Variants in SYT1 observed in about 807,000 individuals in gnomAD.
SYT1 encodes the protein synaptotagmin-1.
SYT1 carries 8 observed loss-of-function variants against 44.8 expected under a neutral mutation model. The observed-to-expected ratio is 0.18, with a 90% CI of 0.10 to 0.32. The LOEUF is 0.32. Among genes scored for constraint, SYT1 ranks in the 10% least tolerant of loss-of-function variants. SYT1 has a pLI of 1.00. For synonymous variants in SYT1, 154 were observed against 188.8 expected (o/e 0.82, Z 1.51); for missense variants, 286 against 509.3 (o/e 0.56, Z 4.22).
intron 4 of SYT1, among the ~76,000 whole-genome samples, chr12:79,256,284 A>G (rs1219069527): frequency 2.0e-5 from 3 of 152,372 alleles, no homozygotes; most frequent in Non-Finnish European, 4.4e-5. Context: ...GCACAGGTGT[A>G]TTTAATTGCC....
intron 1 of SYT1, among the ~76,000 whole-genome samples, chr12:78,905,797 A>C (rs1875948025): frequency 6.6e-6 from 1 of 152,066 alleles, no homozygotes. Flanking sequence ...AAATTACAGC[A>C]CATTACAAGG....
intron 4 of SYT1, among the ~76,000 whole-genome samples, chr12:79,231,889 C>T (rs1397441702): frequency 6.6e-6 from 1 of 152,174 alleles, no homozygotes; most frequent in African/African-American, 2.4e-5. Context: ...GTCTTAATCA[C>T]TCACAGATTC....
At chr12:79,337,157 T>G (rs1374210301) in intron 8 of SYT1, among the ~76,000 whole-genome samples, 1 of 152,202 alleles carries the variant, frequency 6.6e-6, no homozygotes, top group Non-Finnish European at 1.5e-5. Context: ...ACAGTCAATA[T>G]TGCAGTAGAC....
intron 8 of SYT1, among the ~76,000 whole-genome samples, chr12:79,329,956 A>T (rs1881783196): frequency 6.6e-6 from 1 of 152,196 alleles, no homozygotes; most frequent in Non-Finnish European, 1.5e-5. Context: ...TGCAGAAAGC[A>T]TATCTTTCCA....
At chr12:79,049,483 A>G (rs919116807) in intron 3 of SYT1, among the ~76,000 whole-genome samples, 2 of 151,926 alleles carry the variant, frequency 1.3e-5, no homozygotes, top group African/African-American at 4.8e-5. Flanking sequence ...TCTTCTTATT[A>G]TACTGTAATA....
In SYT1 at chr12:78,865,016, G is replaced by A. The variant is rs1324382311; in HGVS notation, c.-310G>A. 6.6e-6 allele frequency: 1 copy of A among 152,288 alleles called. No individual in the cohort carries two copies. Among genetic ancestry groups the A allele is most frequent in the Non-Finnish European group, 1.5e-5 (1 of 68,164 alleles). The allele number at this position is 152,288 out of a possible 1,614,324, so 9.4% of individuals were successfully genotyped here. On this transcript the variant is annotated 5_prime_UTR_variant, in exon 1 of 11. Transcript: ENST00000261205. ...GTTGCAGGCTGCCCCTCCAAGAGCGGAGGCAGCGAGAGTACGCGTGTGCCT... is the reference window on the plus strand; with the variant it reads ...GTTGCAGGCTGCCCCTCCAAGAGCGAAGGCAGCGAGAGTACGCGTGTGCCT...
chr12:79,435,844 A>C (rs924539736), intron 9 of SYT1, among the ~76,000 whole-genome samples: 1 of 152,150 alleles, frequency 6.6e-6, no homozygotes, highest in Admixed American at 6.5e-5. Flanking sequence ...TGCCTATAGC[A>C]TCCCTCCCTC....
At chr12:78,872,587 GTCTTC>G (rs1448310779) in intron 1 of SYT1, among the ~76,000 whole-genome samples, 1 of 151,542 alleles carries the variant, frequency 6.6e-6, no homozygotes, top group Non-Finnish European at 1.5e-5. Flanking sequence ...CCTTTCTCAT[GTCTTC>G]TCTTCCTACT....
At chr12:78,914,728 A>G (rs1214328465) in intron 1 of SYT1, among the ~76,000 whole-genome samples, 1 of 152,002 alleles carries the variant, frequency 6.6e-6, no homozygotes, top group African/African-American at 2.4e-5. Flanking sequence ...TAAGTGCTAT[A>G]TTAGGAATAT....
At chr12:79,444,235 A>G (rs778852810) in intron 10 of SYT1, 29 bp downstream of exon 10, 4 of 1,610,714 alleles carry the variant, frequency 2.5e-6, no homozygotes, top group Non-Finnish European at 3.4e-6. Flanking sequence ...TTGTCTTCCC[A>G]CTCAATTTCA....
rs183916064 is a variant in SYT1 at position 79,154,013 on chromosome 12, C to T, written c.-17-63490C>T. Among the ~76,000 whole-genome samples, 6 of 152,060 alleles carry T rather than the reference C, an allele frequency of 3.9e-5. No individual in the cohort carries two copies. The East Asian group carries it at 1.2e-3, about 29-fold the overall frequency. ...TAGTTGACAAATCTGAGAATCAAGC[C>T]CCTGACTTTATAAACTTAAAGTCCA... On this transcript the variant is annotated intron_variant, in intron 3 of 10. Coordinates refer to ENST00000261205, the MANE Select transcript of SYT1 (RefSeq NM_005639.3).
At chr12:79,136,782 A>G (rs188878288) in intron 3 of SYT1, among the ~76,000 whole-genome samples, 1 of 152,348 alleles carries the variant, frequency 6.6e-6, no homozygotes, top group East Asian at 1.9e-4. Flanking sequence ...ACATTTAGAA[A>G]AAAATCATTT....
At chr12:79,285,428 C>T (rs1257970349) in intron 4 of SYT1, among the ~76,000 whole-genome samples, 1 of 152,084 alleles carries the variant, frequency 6.6e-6, no homozygotes, top group Non-Finnish European at 1.5e-5. Flanking sequence ...ATGACTTGCC[C>T]AAGATCACAC....
At position 79,127,755 on chromosome 12, in the gene SYT1, T is replaced by C. The variant is rs147425844; in HGVS notation, c.-18+80393T>C. Among the ~76,000 whole-genome samples the C allele has an allele frequency of 3.7e-4, 57 of 152,332 alleles. No individual in the cohort carries two copies. In the East Asian group the frequency reaches 9.1e-3, roughly 24 times the overall value. ...AGCCACACAGAAGACGAAAAGCTCA[T>C]AGGAGTCCTAGAAAACAATGGTTAC... is the stretch of plus-strand genomic sequence containing the variant. On this transcript the variant is annotated intron_variant, in intron 3 of 10. Transcript: ENST00000261205.
chr12:79,121,684 G>T (rs1010225665), intron 3 of SYT1, among the ~76,000 whole-genome samples: 1 of 152,158 alleles, frequency 6.6e-6, no homozygotes, highest in Non-Finnish European at 1.5e-5. Flanking sequence ...CTGCACTTGC[G>T]TACTGAGCCA....
intron 2 of SYT1, among the ~76,000 whole-genome samples, chr12:78,987,685 TAA>T (rs922033667): frequency 6.6e-6 from 1 of 151,876 alleles, no homozygotes; most frequent in East Asian, 1.9e-4. Context: ...TAGGGATATA[TAA>T]AAAAACCCTA....
At chr12:78,911,324 T>C (rs757029349) in intron 1 of SYT1, among the ~76,000 whole-genome samples, 1 of 151,878 alleles carries the variant, frequency 6.6e-6, no homozygotes, top group Non-Finnish European at 1.5e-5. Context: ...AAATTGAATA[T>C]ATTGGTTGAG....
chr12:79,360,353 C>T (rs767289769), intron 9 of SYT1, among the ~76,000 whole-genome samples: 15 of 152,072 alleles, frequency 9.9e-5, no homozygotes, highest in Non-Finnish European at 1.9e-4. Flanking sequence ...TTTCTTGAGT[C>T]TCCTCCACTG....
chr12:79,153,639 G>T (rs1240353314), intron 3 of SYT1, among the ~76,000 whole-genome samples: 2 of 152,010 alleles, frequency 1.3e-5, no homozygotes, highest in Non-Finnish European at 2.9e-5. Context: ...TACTATAATG[G>T]TTATTTTCAA....
Sources: allele counts gnomAD v4.1 joint callset (sites outside exome capture counted in the v4.1 genomes callset), GRCh38; gene constraint gnomAD v4.1.1; transcripts MANE v1.5; gene names NCBI Gene and HGNC (gene_info 2026-07-23, HGNC 2026-07-21).